The following USP43 variants were observed in gnomAD, a reference collection of about 807,000 sequenced individuals.
USP43 encodes ubiquitin carboxyl-terminal hydrolase 43.
A neutral mutation model predicts 90.7 loss-of-function variants in USP43; 33 were observed. The ratio of observed to expected loss-of-function variants is 0.36; its 90% confidence interval spans 0.28 to 0.49. The LOEUF is 0.49. Ranked by LOEUF, USP43 falls within the 20% of genes least tolerant of loss-of-function variation. USP43 has a pLI of 0.98. For missense variants in USP43, 1,274 were observed against 1,476.4 expected (o/e 0.86, Z 2.25); for synonymous variants, 598 against 615.8 (o/e 0.97, Z 0.43).
chr17:9,684,066 G>A (rs1914452991), intron 7 of USP43, among the ~76,000 whole-genome samples: 1 of 152,042 alleles, frequency 6.6e-6, no homozygotes, highest in Non-Finnish European at 1.5e-5. Context: ...GAACCCAGGA[G>A]GCAAATGTTG....
At position 9,701,242 on chromosome 17, in the gene USP43, G is replaced by A. The variant is rs541908175; in HGVS notation, c.1659G>A (p.Glu553=). 6.2e-7 allele frequency: 1 copy of A among 1,606,956 alleles called. No homozygotes were observed. The highest frequency in any genetic ancestry group is 2.2e-5 in the East Asian group (1 of 44,758). The change falls in exon 11 of 15, where the codon GAG becomes GAA. Residue 553 remains glutamate (E), a synonymous_variant. Coordinates refer to ENST00000285199, the MANE Select transcript of USP43 (RefSeq NM_153210.5). This position sits in a 1 kb window ranked among gnomAD's most constrained non-coding sequence, Gnocchi z 7.2. ...DECFQFYTKE[E]QLAQDDAWKC... is the part of the protein sequence containing the mutation. ...GTTTTCAGTTCTACACCAAGGAGGA[G>A]CAGGTCCCGCCCTGGGGGTCCATGC... is the stretch of plus-strand genomic sequence containing the variant.
At chr17:9,710,207 G>T (rs1333744299) in intron 13 of USP43, 93 bp downstream of exon 13, 2 of 1,313,708 alleles carry the variant, frequency 1.5e-6, no homozygotes, top group African/African-American at 1.5e-5. Flanking sequence ...ACCAGGAGAG[G>T]TTGGCAAGGA....
At chr17:9,648,863 C>G (rs1911644230) in intron 1 of USP43, among the ~76,000 whole-genome samples, 1 of 151,266 alleles carries the variant, frequency 6.6e-6, no homozygotes, top group Admixed American at 6.6e-5. Context: ...CTCTTTCTCT[C>G]TCTCTTTTCC....
At chr17:9,693,347 C>T in intron 9 of USP43, 117 bp downstream of exon 9, 1 of 852,738 alleles carries the variant, frequency 1.2e-6, no homozygotes, top group Non-Finnish European at 1.9e-6. Context: ...TGATCACTTA[C>T]CTCTCCAGTA....
chr17:9,667,661 G>A lies in USP43; in HGVS notation c.740+910G>A, dbSNP rs371809439. ...AGAAGTACGAATGGGTAGGAAGATA[G>A]TCAACAGGAACAAATGCAAGCTTAA... On this transcript the variant is annotated intron_variant, in intron 3 of 14. Transcript: ENST00000285199. Among the ~76,000 whole-genome samples the A allele has an allele frequency of 3.3e-5, 5 of 152,282 alleles. No individual in the cohort carries two copies. The East Asian group carries it at 9.6e-4, about 29-fold the overall frequency.
At chr17:9,690,488 T>G (rs2151981427) in intron 8 of USP43, among the ~76,000 whole-genome samples, 1 of 152,334 alleles carries the variant, frequency 6.6e-6, no homozygotes, top group East Asian at 1.9e-4. Context: ...ATTTACAATG[T>G]TGTATCACCA....
intron 1 of USP43, among the ~76,000 whole-genome samples, chr17:9,654,109 G>A (rs76747155): frequency 0.017 from 2,541 of 152,248 alleles, 63 homozygotes; most frequent in African/African-American, 0.058. Context: ...CAAGAAGATA[G>A]GTTTGAGGGT....
intron 9 of USP43, among the ~76,000 whole-genome samples, chr17:9,696,202 C>T (rs1168034815): frequency 1.3e-5 from 2 of 151,840 alleles, no homozygotes; most frequent in African/African-American, 4.8e-5. Flanking sequence ...GGCACAATCT[C>T]GGCTCACTGC....
intron 9 of USP43, among the ~76,000 whole-genome samples, chr17:9,694,245 G>A (rs561188252): frequency 3.3e-5 from 5 of 152,182 alleles, no homozygotes; most frequent in South Asian, 2.1e-4. Flanking sequence ...CAGGAACCAG[G>A]GTAGCAGGTG....
At position 9,729,134 on chromosome 17, in the gene USP43, G is replaced by A. The variant is rs956747711; in HGVS notation, c.*144G>A. On this transcript the variant is annotated 3_prime_UTR_variant, in exon 15 of 15. Transcript: ENST00000285199. ...AATTTTTTTTTTTTTGTGGTGGGGG[G>A]TCTCCATATCTAGACTTCCAACACC... The A allele has an allele frequency of 4.4e-6, 3 of 686,394 alleles. No individual in the cohort carries two copies. The highest frequency in any genetic ancestry group is 3.2e-5 in the East Asian group (1 of 31,176). 42.5% of individuals were successfully genotyped at this position (686,394 alleles called of 1,614,324 possible).
At chr17:9,711,673 T>C (rs427096) in intron 13 of USP43, among the ~76,000 whole-genome samples, 60,214 of 152,016 alleles carry the variant, frequency 0.4, 14,663 homozygotes, top group African/African-American at 0.7. Flanking sequence ...TCAGGTGATC[T>C]GCTCGCCTCG....
At chr17:9,700,371 G>A in intron 10 of USP43, 122 bp downstream of exon 10, 2 of 892,022 alleles carry the variant, frequency 2.2e-6, no homozygotes, top group Non-Finnish European at 3.4e-6. Flanking sequence ...TTGAGCCAGT[G>A]TAACCCGTTC....
At chr17:9,653,499 A>T (rs1912017457) in intron 1 of USP43, among the ~76,000 whole-genome samples, 1 of 152,166 alleles carries the variant, frequency 6.6e-6, no homozygotes, top group African/African-American at 2.4e-5. Flanking sequence ...GAGGCAGGAG[A>T]ATCATTTGAA....
At chr17:9,681,304 A>T (rs1914210918) in intron 6 of USP43, among the ~76,000 whole-genome samples, 1 of 113,348 alleles carries the variant, frequency 8.8e-6, no homozygotes, top group South Asian at 2.4e-4. Flanking sequence ...TATATAATAT[A>T]GATAAATATA....
Position 9,710,011 on chromosome 17 carries a change from G to A in USP43, c.2067G>A (p.Val689=). The A allele has an allele frequency of 6.4e-7, 1 of 1,572,486 alleles. No homozygotes were observed. The highest frequency in any genetic ancestry group is 8.6e-7 in the Non-Finnish European group (1 of 1,159,014). ...GQWYSYDDST[V]EPLREDEVNT... is the part of the protein sequence containing the mutation. ...GGTACAGTTATGATGACAGCACGGT[G>A]GAACCGCTTCGAGAAGATGAGGTCA... is the stretch of plus-strand genomic sequence containing the variant. The change falls in exon 13 of 15, where the codon GTG becomes GTA. Residue 689 remains valine, a synonymous_variant. Coordinates refer to ENST00000285199, the MANE Select transcript of USP43 (RefSeq NM_153210.5).
chr17:9,728,787 A>C lies in USP43; in HGVS notation c.3169A>C (p.Ser1057Arg). The C allele has an allele frequency of 6.2e-7, 1 of 1,609,838 alleles. No individual in the cohort carries two copies. The highest frequency in any genetic ancestry group is 8.5e-7 in the Non-Finnish European group (1 of 1,177,844). The change falls in exon 15 of 15, where the codon AGC becomes CGC. Residue 1057 changes from serine (S) to arginine (R), a missense_variant. Physicochemically the swap from Ser to Arg is moderately radical, Grantham distance 110 (BLOSUM62 -1). This residue lies in a region of USP43 where 353 missense variants were observed against 329.7 expected (regional missense o/e 1.07). Transcript: ENST00000285199. This position sits in a 1 kb window ranked among gnomAD's most constrained non-coding sequence, Gnocchi z 6.2. ...AGAGGGCCTGGCCAGGGGCCTGGGC[A>C]GCCGGCTCGAGAGGGATGTCTGGTC... ...IPEGLARGLG[S>R]RLERDVWSAP...
chr17:9,712,555 G>A (rs1363589880), intron 14 of USP43, among the ~76,000 whole-genome samples: 1 of 152,122 alleles, frequency 6.6e-6, no homozygotes, highest in Non-Finnish European at 1.5e-5. Flanking sequence ...AGTGACTTGT[G>A]TAGAAGCCTA....
In USP43 at chr17:9,728,212, C is replaced by T. The variant is rs773488103; in HGVS notation, c.2594C>T (p.Ser865Leu). 8.7e-6 allele frequency: 14 copies of T among 1,613,902 alleles called. No homozygotes were observed. The highest frequency in any genetic ancestry group is 6.6e-5 in the South Asian group (6 of 91,072). The stretch of plus-strand genomic sequence containing the variant: ...GCGGGTGAGGATGAGAAGTCAGCAT[C>T]GCCGAGGTCCAACGTCGCCCTTCCT... ...GTAGEDEKSASPRSNVALPAN... is the reference protein window; with the variant it reads ...GTAGEDEKSALPRSNVALPAN... Residue 865 changes from serine to leucine, a missense_variant, in exon 15 of 15, where the codon TCG becomes TTG. Coordinates refer to ENST00000285199, the MANE Select transcript of USP43 (RefSeq NM_153210.5). The surrounding 1 kb of genome is among the most constrained non-coding windows in gnomAD (Gnocchi z 6.2).
At position 9,696,955 on chromosome 17, in the gene USP43, G is replaced by A. The variant is rs574460272; in HGVS notation, c.1458-3217G>A. On this transcript the variant is annotated intron_variant, in intron 9 of 14. Transcript: ENST00000285199. ...TTTTGGGCCAGGCACGGTGGCTCACGCCTATAATCCCAGCACTTGGGGAGG... is the reference window on the plus strand; with the variant it reads ...TTTTGGGCCAGGCACGGTGGCTCACACCTATAATCCCAGCACTTGGGGAGG... 9.2e-5 allele frequency among the ~76,000 whole-genome samples: 14 copies of A among 152,320 alleles called. No homozygotes were observed. In the South Asian group the frequency reaches 1.2e-3, roughly 14 times the overall value.
Sources: allele counts gnomAD v4.1 joint callset (sites outside exome capture counted in the v4.1 genomes callset), GRCh38; gene constraint gnomAD v4.1.1; regional missense constraint gnomAD v4.1.1; non-coding constraint Gnocchi (gnomAD v3.1); transcripts MANE v1.5; gene names NCBI Gene and HGNC (gene_info 2026-07-23, HGNC 2026-07-21).